Variants in VAV2 observed in about 807,000 individuals in gnomAD.
VAV2 encodes guanine nucleotide exchange factor VAV2.
Under a neutral mutation model 132.5 loss-of-function variants are expected in VAV2, and 67 were observed. That is an observed-to-expected ratio of 0.51 (90% CI 0.42 to 0.62). The LOEUF (loss-of-function observed/expected upper bound fraction) is 0.62. VAV2 is among the 20% of genes least tolerant of loss of function. The pLI, the probability that VAV2 is intolerant of heterozygous loss-of-function variation, is 0.00. For missense variants in VAV2, 938 were observed against 1,153.6 expected (o/e 0.81, Z 2.71); for synonymous variants, 492 against 443.5 (o/e 1.11, Z -1.37).
At chr9:133,972,753 C>A (rs1403529373) in intron 1 of VAV2, among the ~76,000 whole-genome samples, 2 of 152,188 alleles carry the variant, frequency 1.3e-5, no homozygotes, top group African/African-American at 4.8e-5. Flanking sequence ...AAGCCCTCCT[C>A]CCACCCACTC....
chr9:133,800,381 G>A (rs1277140887), intron 9 of VAV2, among the ~76,000 whole-genome samples: 1 of 152,228 alleles, frequency 6.6e-6, no homozygotes. Context: ...GAGGCGGGAG[G>A]ACGAGTCTGG....
chr9:133,840,520 G>C lies in VAV2; in HGVS notation c.381-6180C>G, dbSNP rs1408624377. Among the ~76,000 whole-genome samples the C allele has an allele frequency of 6.6e-6, 1 of 152,148 alleles. No individual in the cohort carries two copies. On this transcript the variant is annotated intron_variant, in intron 3 of 29. Coordinates refer to ENST00000371850, the MANE Select transcript of VAV2 (RefSeq NM_001134398.2). This position sits in a 1 kb window ranked among gnomAD's most constrained non-coding sequence, Gnocchi z 4.5. ...TCTGGGCAGGACAATCACAGTCCCAGTGCTACAGCCAAATAAGTCACCAGC... is the reference window on the plus strand; with the variant it reads ...TCTGGGCAGGACAATCACAGTCCCACTGCTACAGCCAAATAAGTCACCAGC...
chr9:133,783,877 G>A (rs13283556), intron 18 of VAV2, among the ~76,000 whole-genome samples: 10 of 85,152 alleles, frequency 1.2e-4, no homozygotes, highest in South Asian at 8.3e-4. Flanking sequence ...TGGCTGGGCC[G>A]TTTTTTTTTT....
At chr9:133,914,727 AGGG>A (rs1840002009) in intron 2 of VAV2, among the ~76,000 whole-genome samples, 5 of 49,984 alleles carry the variant, frequency 1.0e-4, no homozygotes, top group Admixed American at 2.1e-4. Flanking sequence ...GGATCACGGG[AGGG>A]GGAGGAGAGG....
At chr9:133,868,920 A>C (rs1837914949) in intron 2 of VAV2, among the ~76,000 whole-genome samples, 2 of 152,210 alleles carry the variant, frequency 1.3e-5, no homozygotes, top group Non-Finnish European at 2.9e-5. Flanking sequence ...TCATGCCTGT[A>C]ATCCCAGCTA....
At chr9:133,977,315 G>A (rs561073792) in intron 1 of VAV2, among the ~76,000 whole-genome samples, 3 of 152,310 alleles carry the variant, frequency 2.0e-5, no homozygotes, top group Admixed American at 6.5e-5. Flanking sequence ...AAATGACTGC[G>A]GGATCATTTC....
intron 1 of VAV2, among the ~76,000 whole-genome samples, chr9:133,972,803 A>ACT (rs1588200966): frequency 1.3e-5 from 2 of 152,056 alleles, no homozygotes; most frequent in East Asian, 1.9e-4. Context: ...CACTTTACAG[A>ACT]TGAGGCAACC....
chr9:133,899,147 TCA>T (rs1282746697), intron 2 of VAV2, among the ~76,000 whole-genome samples: 2 of 151,492 alleles, frequency 1.3e-5, no homozygotes, highest in East Asian at 2.0e-4. Context: ...ATGAGAGGAA[TCA>T]CAGAGAGTTT....
intron 9 of VAV2, among the ~76,000 whole-genome samples, chr9:133,800,512 C>T (rs955670968): frequency 6.6e-6 from 1 of 152,220 alleles, no homozygotes; most frequent in African/African-American, 2.4e-5. Flanking sequence ...CCTGACTTCC[C>T]ACCAGGCCCC....
At chr9:133,852,313 C>T (rs750075991) in intron 3 of VAV2, among the ~76,000 whole-genome samples, 1 of 145,796 alleles carries the variant, frequency 6.9e-6, no homozygotes, top group South Asian at 2.2e-4. Context: ...TAGATATATA[C>T]GTGGATAGAT....
rs753373491 is a variant in VAV2 at position 133,776,096 on chromosome 9, AAG to A, written c.1966-18_1966-17del. The A allele has an allele frequency of 6.2e-7, 1 of 1,612,498 alleles. No homozygotes were observed. Among genetic ancestry groups the A allele is most frequent in the Non-Finnish European group, 8.5e-7 (1 of 1,179,662 alleles). ...TGATGGGCGGCTGGTGGCAGAGCAC[AAG>A]AGTGTTAACGGCCCCCCAGGGCCAC... On this transcript the variant is annotated splice_polypyrimidine_tract_variant and intron_variant, in intron 23 of 29. Coordinates refer to ENST00000371850, the MANE Select transcript of VAV2 (RefSeq NM_001134398.2).
At chr9:133,972,181 A>G (rs572395438) in intron 1 of VAV2, among the ~76,000 whole-genome samples, 6 of 152,280 alleles carry the variant, frequency 3.9e-5, no homozygotes, top group African/African-American at 1.4e-4. Context: ...TAAAACACAC[A>G]CATGACTGCT....
At chr9:133,927,770 C>T (rs1244986938) in intron 2 of VAV2, 1 of 152,310 alleles carries the variant, frequency 6.6e-6, no homozygotes. Context: ...CACCACATTT[C>T]CTGGCACAGG....
Position 133,802,824 on chromosome 9 carries a change from AG to A in VAV2, c.836+3256del, listed in dbSNP as rs1182468359. On this transcript the variant is annotated intron_variant, in intron 9 of 29. Transcript: ENST00000371850. This position sits in a 1 kb window ranked among gnomAD's most constrained non-coding sequence, Gnocchi z 5.8. Reference sequence around the variant, plus strand: ...CAGGCCAGCGTGGATTGAGGACCACAGGCCATGGGCTCAGGTATGGACCAAG... The same window carrying A: ...CAGGCCAGCGTGGATTGAGGACCACAGCCATGGGCTCAGGTATGGACCAAG... 6.6e-6 allele frequency among the ~76,000 whole-genome samples: 1 copy of A among 152,214 alleles called. No individual in the cohort carries two copies. The highest frequency in any genetic ancestry group is 1.9e-4 in the East Asian group (1 of 5,188).
At chr9:133,868,968 G>A (rs1055086852) in intron 2 of VAV2, among the ~76,000 whole-genome samples, 66 of 152,006 alleles carry the variant, frequency 4.3e-4, no homozygotes, top group East Asian at 5.8e-4. Flanking sequence ...GACCAGCCTC[G>A]GCAATATGGT....
At chr9:133,983,049 G>A (rs1842747583) in intron 1 of VAV2, among the ~76,000 whole-genome samples, 1 of 152,210 alleles carries the variant, frequency 6.6e-6, no homozygotes, top group African/African-American at 2.4e-5. Flanking sequence ...GCCGGGCTGG[G>A]ACACCGGCAG....
At chr9:133,916,500 G>T (rs981874503) in intron 2 of VAV2, among the ~76,000 whole-genome samples, 11 of 152,178 alleles carry the variant, frequency 7.2e-5, no homozygotes, top group Non-Finnish European at 1.3e-4. Context: ...CCTGGGAAGT[G>T]CTGGGACTCT....
rs747147137 is a variant in VAV2, at chr9:133,764,132, GTC to G, written c.2590-25_2590-24del. Reference sequence around the variant, plus strand: ...AATCTGAAAAAGATGGTAAGATCGTGTCTGTGTGTGTGTGTGTGTGTGTAAGC... The same window carrying G: ...AATCTGAAAAAGATGGTAAGATCGTGTGTGTGTGTGTGTGTGTGTGTAAGC... On this transcript the variant is annotated intron_variant, in intron 29 of 29. Coordinates refer to ENST00000371850, the MANE Select transcript of VAV2 (RefSeq NM_001134398.2). 3.8e-6 allele frequency: 6 copies of G among 1,586,118 alleles called. No individual in the cohort carries two copies. In the South Asian group the frequency reaches 4.4e-5, roughly 12 times the overall value.
chr9:133,821,785 G>C (rs1485075002), intron 4 of VAV2, among the ~76,000 whole-genome samples: 1 of 152,208 alleles, frequency 6.6e-6, no homozygotes, highest in Non-Finnish European at 1.5e-5. Context: ...GAGATGGCCA[G>C]GCAGGAATGT....
Sources: allele counts gnomAD v4.1 joint callset (sites outside exome capture counted in the v4.1 genomes callset), GRCh38; gene constraint gnomAD v4.1.1; non-coding constraint Gnocchi (gnomAD v3.1); transcripts MANE v1.5; gene names NCBI Gene and HGNC (gene_info 2026-07-23, HGNC 2026-07-21).